Variants in UBAC2 observed in about 807,000 individuals in gnomAD.
The protein encoded by UBAC2 is ubiquitin-associated domain-containing protein 2.
UBAC2 carries 26 observed loss-of-function variants against 44.0 expected under a neutral mutation model. That is an observed-to-expected ratio of 0.59 (90% CI 0.43 to 0.82). The LOEUF is 0.82. UBAC2 is among the 40% of genes least tolerant of loss of function. The probability of loss-of-function intolerance (pLI) is 0.00; values close to 1 mark genes in which losing one functional copy is unlikely to be tolerated. For synonymous variants in UBAC2, 155 were observed against 154.3 expected (o/e 1.00, Z -0.04); for missense variants, 329 against 419.4 (o/e 0.78, Z 1.88).
chr13:99,227,112 C>T lies in UBAC2; in HGVS notation c.32-11315C>T, dbSNP rs371678311. ...ACTCGGGAGGCTGAGACAGGAGAAT[C>T]GCTTGAACCCAGGAGGCAGAGGTTG... is the stretch of plus-strand genomic sequence containing the variant. On this transcript the variant is annotated intron_variant, in intron 1 of 8. Transcript: ENST00000403766. 1.4e-3 allele frequency among the ~76,000 whole-genome samples: 212 copies of T among 151,978 alleles called. 2 individuals carry two copies. The highest frequency in any genetic ancestry group is 5.0e-3 in the African/African-American group (207 of 41,434).
At chr13:99,312,615 A>C (rs529074709) in intron 4 of UBAC2, among the ~76,000 whole-genome samples, 1 of 152,282 alleles carries the variant, frequency 6.6e-6, no homozygotes, top group Non-Finnish European at 1.5e-5. Flanking sequence ...AAACTGACAT[A>C]GCTTGGGGGC....
chr13:99,334,706 G>A (rs537314158), intron 6 of UBAC2, among the ~76,000 whole-genome samples: 6 of 152,170 alleles, frequency 3.9e-5, no homozygotes, highest in South Asian at 2.1e-4. Context: ...ACAAAAGAAC[G>A]TAGGAAAGGG....
chr13:99,332,675 T>C (rs998527649), intron 6 of UBAC2, among the ~76,000 whole-genome samples: 1 of 152,202 alleles, frequency 6.6e-6, no homozygotes, highest in Non-Finnish European at 1.5e-5. Flanking sequence ...CTCGAGCTTG[T>C]CTTCCCGGGC....
At chr13:99,229,947 T>C (rs186550057) in intron 1 of UBAC2, among the ~76,000 whole-genome samples, 6 of 152,346 alleles carry the variant, frequency 3.9e-5, no homozygotes, top group African/African-American at 1.4e-4. Context: ...GTGTAACTTA[T>C]GGGGAGTATC....
At chr13:99,280,090 G>C (rs921682362) in intron 4 of UBAC2, among the ~76,000 whole-genome samples, 1 of 152,116 alleles carries the variant, frequency 6.6e-6, no homozygotes, top group Non-Finnish European at 1.5e-5. Flanking sequence ...TGTTCTCCCT[G>C]TCACCATCTC....
chr13:99,295,660 C>T lies in UBAC2; in HGVS notation c.390-18437C>T, dbSNP rs754711229. 4.3e-6 allele frequency: 7 copies of T among 1,614,112 alleles called. No individual in the cohort carries two copies. The highest frequency in any genetic ancestry group is 5.9e-6 in the Non-Finnish European group (7 of 1,180,032). ...TAGGGTTGATGAGGAGTGGGAGTGT[C>T]TGAGCAAATACTAGAATCCAGACAA... On this transcript the variant is annotated intron_variant, in intron 4 of 8. Coordinates refer to ENST00000403766, the MANE Select transcript of UBAC2 (RefSeq NM_001144072.2). This position sits in a 1 kb window ranked among gnomAD's most constrained non-coding sequence, Gnocchi z 4.1.
At chr13:99,292,275 A>G (rs556115490) in intron 4 of UBAC2, among the ~76,000 whole-genome samples, 12 of 151,366 alleles carry the variant, frequency 7.9e-5, no homozygotes, top group African/African-American at 2.7e-4. Flanking sequence ...AGCTGGGACT[A>G]CAGGCGCCCA....
chr13:99,346,228 C>A (rs968083151), intron 7 of UBAC2, among the ~76,000 whole-genome samples: 1 of 152,140 alleles, frequency 6.6e-6, no homozygotes, highest in Admixed American at 6.5e-5. Flanking sequence ...GATGTAAGTC[C>A]GTCATTCATC....
In UBAC2 at chr13:99,371,253, T is replaced by C. The variant is rs1245080483; in HGVS notation, c.927+3347T>C. 2.6e-5 allele frequency among the ~76,000 whole-genome samples: 4 copies of C among 152,208 alleles called. No individual in the cohort carries two copies. In the East Asian group the frequency reaches 7.7e-4, roughly 29 times the overall value. ...AACATCAGTTTAAAACAGTACTTAA[T>C]TTCTTCCTCGCTCCGTGTTACGAGA... On this transcript the variant is annotated intron_variant, in intron 8 of 8. Coordinates refer to ENST00000403766, the MANE Select transcript of UBAC2 (RefSeq NM_001144072.2).
intron 4 of UBAC2, among the ~76,000 whole-genome samples, chr13:99,273,211 A>G (rs984046912): frequency 2.0e-5 from 3 of 152,050 alleles, no homozygotes; most frequent in Non-Finnish European, 4.4e-5. Flanking sequence ...AGTTGGTAAT[A>G]TTATTCAGTT....
At chr13:99,215,823 A>G in intron 1 of UBAC2, 1 of 589,910 alleles carries the variant, frequency 1.7e-6, no homozygotes, top group Admixed American at 2.9e-5. Flanking sequence ...GTGAGATCCC[A>G]CCATCTACTC....
chr13:99,239,223 C>T (rs1438559023), intron 2 of UBAC2, among the ~76,000 whole-genome samples: 1 of 152,156 alleles, frequency 6.6e-6, no homozygotes, highest in Non-Finnish European at 1.5e-5. Context: ...ATAATTAATA[C>T]CATTGCTCAG....
intron 7 of UBAC2, among the ~76,000 whole-genome samples, chr13:99,363,647 C>A (rs552992088): frequency 6.6e-5 from 10 of 152,362 alleles, no homozygotes; most frequent in African/African-American, 2.2e-4. Flanking sequence ...GGCCCATATT[C>A]CCTTTCTGCT....
At chr13:99,353,763 C>A (rs1005026870) in intron 7 of UBAC2, among the ~76,000 whole-genome samples, 3 of 152,086 alleles carry the variant, frequency 2.0e-5, no homozygotes, top group African/African-American at 7.2e-5. Flanking sequence ...TTTTCAAAAC[C>A]AGAAAAAAGC....
chr13:99,306,402 T>G (rs1311233658), intron 4 of UBAC2, among the ~76,000 whole-genome samples: 1 of 151,682 alleles, frequency 6.6e-6, no homozygotes, highest in African/African-American at 2.4e-5. Context: ...GTAACTTGTG[T>G]GTGGGGGGGC....
At chr13:99,287,952 G>A (rs2044041501) in intron 4 of UBAC2, among the ~76,000 whole-genome samples, 1 of 152,030 alleles carries the variant, frequency 6.6e-6, no homozygotes, top group South Asian at 2.1e-4. Context: ...CATACTGTTT[G>A]CATTTATTTT....
chr13:99,349,584 G>A (rs1466792147), intron 7 of UBAC2, among the ~76,000 whole-genome samples: 1 of 152,214 alleles, frequency 6.6e-6, no homozygotes, highest in Admixed American at 6.5e-5. Flanking sequence ...GGTGAAGCAA[G>A]TCACGTAATC....
At chr13:99,342,042 G>C (rs2044898295) in intron 7 of UBAC2, among the ~76,000 whole-genome samples, 1 of 152,234 alleles carries the variant, frequency 6.6e-6, no homozygotes, top group South Asian at 2.1e-4. Context: ...AAGCAAACCA[G>C]AGAAGTTGCA....
intron 8 of UBAC2, among the ~76,000 whole-genome samples, chr13:99,371,094 A>G (rs1354761314): frequency 2.0e-5 from 3 of 151,080 alleles, no homozygotes; most frequent in Non-Finnish European, 3.0e-5. Context: ...GCACTTCAGG[A>G]AAAAAAAAGT....
Sources: gnomAD v4.1 joint callset for allele counts (sites outside exome capture counted in the v4.1 genomes callset) on GRCh38, gnomAD v4.1.1 for gene constraint, Gnocchi (gnomAD v3.1) non-coding constraint, MANE v1.5 for transcripts, NCBI Gene and HGNC (gene_info 2026-07-23, HGNC 2026-07-21) for gene names.